CTNNA3: variants seen among roughly 807,000 people sequenced by gnomAD.
CTNNA3 encodes catenin alpha-3.
A neutral mutation model predicts 95.7 loss-of-function variants in CTNNA3; 76 were observed. That is an observed-to-expected ratio of 0.79 (90% confidence interval 0.66 to 0.96). The LOEUF (loss-of-function observed/expected upper bound fraction) is 0.96. CTNNA3 is among the 40% of genes least tolerant of loss of function. The pLI is 0.00. For missense variants in CTNNA3, 1,191 were observed against 1,089.8 expected, an observed-to-expected ratio of 1.09 and a Z score of -1.31; for synonymous variants, 431 against 374.4, an observed-to-expected ratio of 1.15 and a Z score of -1.74.
chr10:67,581,906 T>C (rs1842415392), intron 3 of CTNNA3, among the ~76,000 whole-genome samples: 1 of 152,170 alleles, frequency 6.6e-6, no homozygotes, highest in Admixed American at 6.5e-5. Context: ...AATGATGATA[T>C]CCCCTTTATC....
chr10:66,802,161 G>A (rs921449890), intron 7 of CTNNA3, among the ~76,000 whole-genome samples: 3 of 151,708 alleles, frequency 2.0e-5, no homozygotes, highest in Admixed American at 6.6e-5. Flanking sequence ...CATGTTTACA[G>A]TATTGGAGAG....
chr10:67,087,705 A>G (rs1363049829), intron 7 of CTNNA3, among the ~76,000 whole-genome samples: 1 of 151,982 alleles, frequency 6.6e-6, no homozygotes, highest in Non-Finnish European at 1.5e-5. Flanking sequence ...CTAATGTCAT[A>G]ATGGCCTGGA....
At chr10:67,138,290 G>C (rs1860391234) in intron 7 of CTNNA3, among the ~76,000 whole-genome samples, 1 of 152,118 alleles carries the variant, frequency 6.6e-6, no homozygotes, top group Non-Finnish European at 1.5e-5. Flanking sequence ...GACCCCTTCA[G>C]GTAGTCATCA....
At chr10:65,937,197 C>A (rs2077354183) in intron 17 of CTNNA3, among the ~76,000 whole-genome samples, 1 of 152,040 alleles carries the variant, frequency 6.6e-6, no homozygotes, top group East Asian at 1.9e-4. Flanking sequence ...GTCCTTTTTA[C>A]ATGAACCATT....
At chr10:65,961,043 C>T (rs2077831249) in intron 17 of CTNNA3, among the ~76,000 whole-genome samples, 1 of 152,084 alleles carries the variant, frequency 6.6e-6, no homozygotes, top group African/African-American at 2.4e-5. Context: ...TTTATTCCAT[C>T]AGTTGTAGTC....
intron 13 of CTNNA3, among the ~76,000 whole-genome samples, chr10:66,274,273 A>G (rs2091345792): frequency 6.6e-6 from 1 of 152,180 alleles, no homozygotes; most frequent in Non-Finnish European, 1.5e-5. Context: ...TACCATTTTC[A>G]TGAGTCACAA....
chr10:67,520,514 T>C, intron 5 of CTNNA3, among the ~76,000 whole-genome samples: 1 of 152,202 alleles, frequency 6.6e-6, no homozygotes. Context: ...GTGACTCTGG[T>C]GTGAACGCTA....
At position 66,700,347 on chromosome 10, in the gene CTNNA3, T is replaced by C. The variant is rs182083963; in HGVS notation, c.1281+65917A>G. Among the ~76,000 whole-genome samples, 245 of 151,250 alleles carry C rather than the reference T, an allele frequency of 1.6e-3. 2 individuals are homozygous for C. Among genetic ancestry groups the C allele is most frequent in the African/African-American group, 5.6e-3 (232 of 41,146 alleles). ...TAAGGGTCCAGTTTCACTCTTTGCC[T>C]GTGGATATCCAGTTTTCGCAACACC... On this transcript the variant is annotated intron_variant, in intron 9 of 17. Transcript: ENST00000433211.
intron 11 of CTNNA3, among the ~76,000 whole-genome samples, chr10:66,503,213 T>G (rs1840338782): frequency 1.3e-5 from 2 of 152,176 alleles, no homozygotes; most frequent in South Asian, 4.1e-4. Context: ...TTCTTCCAAT[T>G]GTAAAAGAAT....
At chr10:66,056,924 A>G (rs191707465) in intron 15 of CTNNA3, among the ~76,000 whole-genome samples, 21 of 152,290 alleles carry the variant, frequency 1.4e-4, no homozygotes, top group Non-Finnish European at 2.8e-4. Context: ...GTAGCAATAG[A>G]CCCAGAATGG....
intron 10 of CTNNA3, among the ~76,000 whole-genome samples, chr10:66,563,531 T>C (rs184100819): frequency 6.6e-6 from 1 of 152,092 alleles, no homozygotes. Context: ...AGTTGTTTCA[T>C]ATGAGAAAGA....
At chr10:67,263,834 C>T (rs1235444803) in intron 5 of CTNNA3, among the ~76,000 whole-genome samples, 2 of 152,090 alleles carry the variant, frequency 1.3e-5, no homozygotes, top group African/African-American at 2.4e-5. Context: ...CCAAAAAGGA[C>T]ACCTACCCCT....
At chr10:67,460,281 A>C (rs1359199556) in intron 5 of CTNNA3, among the ~76,000 whole-genome samples, 1 of 152,136 alleles carries the variant, frequency 6.6e-6, no homozygotes, top group East Asian at 1.9e-4. Flanking sequence ...AAATGAATTG[A>C]TGTTATTTCC....
Position 67,406,824 on chromosome 10 carries a change from T to G in CTNNA3, c.579+115018A>C, listed in dbSNP as rs562524367. ...ACACAAATTGAAAATCTAGAAGAAA[T>G]GGACAAATCCCTGGACACATACACC... On this transcript the variant is annotated intron_variant, in intron 5 of 17. Coordinates refer to ENST00000433211, the MANE Select transcript of CTNNA3 (RefSeq NM_013266.4). Among the ~76,000 whole-genome samples, 20 of 152,052 alleles carry G rather than the reference T, an allele frequency of 1.3e-4. 1 individual carries two copies. The South Asian group carries it at 4.2e-3, about 32-fold the overall frequency.
intron 9 of CTNNA3, among the ~76,000 whole-genome samples, chr10:66,752,221 C>T (rs1177304726): frequency 6.6e-6 from 1 of 152,024 alleles, no homozygotes; most frequent in Non-Finnish European, 1.5e-5. Context: ...GTTTTAAAGA[C>T]AATCTTGAAT....
At chr10:66,950,512 AT>A (rs1368667379) in intron 7 of CTNNA3, among the ~76,000 whole-genome samples, 1 of 152,068 alleles carries the variant, frequency 6.6e-6, no homozygotes, top group Non-Finnish European at 1.5e-5. Context: ...AAAGATCCTT[AT>A]TTCCCTATCT....
intron 5 of CTNNA3, among the ~76,000 whole-genome samples, chr10:67,453,415 G>A (rs964582182): frequency 1.3e-5 from 2 of 152,182 alleles, no homozygotes; most frequent in Non-Finnish European, 2.9e-5. Flanking sequence ...TGTTATTTCT[G>A]AAAATATAAG....
intron 13 of CTNNA3, among the ~76,000 whole-genome samples, chr10:66,143,974 G>A (rs1335816951): frequency 6.6e-6 from 1 of 152,218 alleles, no homozygotes; most frequent in East Asian, 1.9e-4. Flanking sequence ...ATATGTCATA[G>A]TATAATCTAA....
At chr10:67,438,609 G>T (rs1420334726) in intron 5 of CTNNA3, among the ~76,000 whole-genome samples, 3 of 152,180 alleles carry the variant, frequency 2.0e-5, no homozygotes, top group Non-Finnish European at 4.4e-5. Context: ...ACAGCACCTG[G>T]TTTTAACTTC....
Sources: allele counts gnomAD v4.1 joint callset (sites outside exome capture counted in the v4.1 genomes callset), GRCh38; gene constraint gnomAD v4.1.1; transcripts MANE v1.5; gene names NCBI Gene and HGNC (gene_info 2026-07-23, HGNC 2026-07-21).